Variants in TMTC2 observed in about 807,000 individuals in gnomAD.
TMTC2 encodes the protein transmembrane O-mannosyltransferase targeting cadherins 2, also known as protein O-mannosyl-transferase TMTC2.
A neutral mutation model predicts 82.4 loss-of-function variants in TMTC2; 43 were observed. That is an observed-to-expected ratio of 0.52 (90% CI 0.41 to 0.67). TMTC2 has a LOEUF of 0.67. Among genes scored for constraint, TMTC2 ranks in the 30% least tolerant of loss-of-function variants. The pLI, the probability that TMTC2 is intolerant of heterozygous loss-of-function variation, is 0.00. For synonymous variants in TMTC2, 408 were observed against 381.9 expected, an observed-to-expected ratio of 1.07 and a Z score of -0.80; for missense variants, 919 against 1,012.4, an observed-to-expected ratio of 0.91 and a Z score of 1.25.
chr12:83,109,063 T>G (rs532219664), intron 11 of TMTC2, among the ~76,000 whole-genome samples: 1 of 152,158 alleles, frequency 6.6e-6, no homozygotes, highest in Non-Finnish European at 1.5e-5. Context: ...CAAAAGACTA[T>G]AGCTGTCTTT....
intron 1 of TMTC2, among the ~76,000 whole-genome samples, chr12:82,780,518 G>A (rs145160641): frequency 4.6e-5 from 7 of 151,954 alleles, no homozygotes; most frequent in Non-Finnish European, 8.8e-5. Flanking sequence ...ACCTTGTGAT[G>A]TGAATATATT....
At position 82,980,489 on chromosome 12, in the gene TMTC2, G is replaced by A. The variant is rs12298178; in HGVS notation, c.1949-5436G>A. On this transcript the variant is annotated intron_variant, in intron 7 of 11. Coordinates refer to ENST00000321196, the MANE Select transcript of TMTC2 (RefSeq NM_152588.3). Reference sequence around the variant, plus strand: ...TAAGATAAAAATGCCTGCTTTTCCAGCAAAGCATCCTAAAATTAGCAGTAC... The same window carrying A: ...TAAGATAAAAATGCCTGCTTTTCCAACAAAGCATCCTAAAATTAGCAGTAC... Among the ~76,000 whole-genome samples the A allele has an allele frequency of 2.2e-3, 335 of 151,852 alleles. 5 individuals are homozygous for A. The highest frequency in any genetic ancestry group is 7.8e-3 in the African/African-American group (322 of 41,524).
intron 9 of TMTC2, among the ~76,000 whole-genome samples, chr12:83,048,661 G>C (rs1199443268): frequency 2.6e-5 from 4 of 152,112 alleles, no homozygotes; most frequent in Admixed American, 1.3e-4. Context: ...GCAAGCAGTG[G>C]CATTTATTTA....
intron 2 of TMTC2, among the ~76,000 whole-genome samples, chr12:82,865,028 C>T (rs991682817): frequency 7.5e-6 from 1 of 134,030 alleles, no homozygotes; most frequent in African/African-American, 3.0e-5. Flanking sequence ...GCCTGTCCAA[C>T]ATGGTGAAAT....
chr12:83,066,929 A>C (rs2164087), intron 11 of TMTC2, among the ~76,000 whole-genome samples: 1 of 151,994 alleles, frequency 6.6e-6, no homozygotes, highest in African/African-American at 2.4e-5. Context: ...CTATCAAGGA[A>C]GGAGTTAGAA....
At chr12:82,998,669 A>C (rs141407836) in intron 8 of TMTC2, among the ~76,000 whole-genome samples, 61 of 152,280 alleles carry the variant, frequency 4.0e-4, no homozygotes, top group African/African-American at 1.4e-3. Context: ...ACATCAGAGG[A>C]AGCAGTTATG....
At chr12:82,815,592 G>A (rs1020306481) in intron 1 of TMTC2, among the ~76,000 whole-genome samples, 2 of 151,980 alleles carry the variant, frequency 1.3e-5, no homozygotes, top group African/African-American at 4.8e-5. Context: ...GATTACAGGC[G>A]TCCTTCAAGG....
chr12:82,697,771 G>C (rs1374753507), intron 1 of TMTC2, among the ~76,000 whole-genome samples: 4 of 152,160 alleles, frequency 2.6e-5, no homozygotes, highest in Non-Finnish European at 5.9e-5. Flanking sequence ...AAACTGATAC[G>C]CAGTTGCCTA....
At chr12:82,742,826 A>G (rs1275376145) in intron 1 of TMTC2, among the ~76,000 whole-genome samples, 1 of 152,076 alleles carries the variant, frequency 6.6e-6, no homozygotes, top group Non-Finnish European at 1.5e-5. Context: ...TTCCAGCTAT[A>G]TCCTGTATAT....
chr12:82,953,127 G>T (rs1433418626), intron 4 of TMTC2, among the ~76,000 whole-genome samples: 11 of 152,270 alleles, frequency 7.2e-5, no homozygotes, highest in East Asian at 5.8e-4. Context: ...CAGGACTTCT[G>T]CCTTACAGCT....
At chr12:82,730,872 G>T (rs1874766583) in intron 1 of TMTC2, among the ~76,000 whole-genome samples, 1 of 152,164 alleles carries the variant, frequency 6.6e-6, no homozygotes, top group African/African-American at 2.4e-5. Context: ...AATCAAACGG[G>T]TATATGGATA....
intron 1 of TMTC2, among the ~76,000 whole-genome samples, chr12:82,803,710 AC>A (rs1216697663): frequency 1.3e-5 from 2 of 152,106 alleles, no homozygotes; most frequent in African/African-American, 4.8e-5. Flanking sequence ...TTAGCAGGCC[AC>A]CAGGCATGCA....
At chr12:83,047,168 A>C (rs997638469) in intron 9 of TMTC2, among the ~76,000 whole-genome samples, 1 of 152,198 alleles carries the variant, frequency 6.6e-6, no homozygotes, top group Non-Finnish European at 1.5e-5. Flanking sequence ...AGCCCAATTA[A>C]TAGTTTGAAG....
chr12:82,947,405 C>G (rs990362610), intron 4 of TMTC2, among the ~76,000 whole-genome samples: 7 of 149,758 alleles, frequency 4.7e-5, no homozygotes, highest in African/African-American at 7.4e-5. Flanking sequence ...TGCAGTGGCG[C>G]GATCTCGGCT....
intron 2 of TMTC2, among the ~76,000 whole-genome samples, chr12:82,863,021 G>C (rs1479330121): frequency 2.0e-5 from 3 of 152,168 alleles, no homozygotes; most frequent in Admixed American, 2.0e-4. Context: ...GAGATGCATA[G>C]CCTGCAGGTG....
intron 1 of TMTC2, among the ~76,000 whole-genome samples, chr12:82,824,474 T>A (rs1008092452): frequency 6.6e-6 from 1 of 152,232 alleles, no homozygotes; most frequent in Admixed American, 6.5e-5. Context: ...AGTAAAAATG[T>A]GTTTCAATAA....
At chr12:82,750,034 G>A (rs985258854) in intron 1 of TMTC2, among the ~76,000 whole-genome samples, 1 of 152,028 alleles carries the variant, frequency 6.6e-6, no homozygotes, top group Non-Finnish European at 1.5e-5. Context: ...CACTGTTCCC[G>A]GCCCATGAAA....
At chr12:82,712,091 A>C in intron 1 of TMTC2, among the ~76,000 whole-genome samples, 1 of 151,454 alleles carries the variant, frequency 6.6e-6, no homozygotes, top group Admixed American at 6.6e-5. Context: ...TTCTGCACTC[A>C]CCTCCTTCAC....
At chr12:82,937,744 G>GGA (rs1469315487) in intron 4 of TMTC2, among the ~76,000 whole-genome samples, 2,199 of 27,882 alleles carry the variant, frequency 0.079, 68 homozygotes, top group Admixed American at 0.13. Flanking sequence ...GTGTGTGTGT[G>GGA]TGTGTGTATA....
Sources: gnomAD v4.1 joint callset for allele counts (sites outside exome capture counted in the v4.1 genomes callset) on GRCh38, gnomAD v4.1.1 for gene constraint, MANE v1.5 for transcripts, NCBI Gene and HGNC (gene_info 2026-07-23, HGNC 2026-07-21) for gene names.